OR11G2: variants seen among roughly 807,000 people sequenced by gnomAD.
The protein encoded by OR11G2 is olfactory receptor family 11 subfamily G member 2.
A neutral mutation model predicts 0.9 loss-of-function variants in OR11G2; 2 were observed. The ratio of observed to expected loss-of-function variants is 2.35; its 90% confidence interval spans 0.96 to 7.38. The LOEUF (loss-of-function observed/expected upper bound fraction) is 7.38. Among genes scored for constraint, OR11G2 ranks in the 30% most tolerant of loss-of-function variants. The probability of loss-of-function intolerance (pLI) is 0.05; values close to 1 mark genes in which losing one functional copy is unlikely to be tolerated. For missense variants in OR11G2, 395 were observed against 371.3 expected (o/e 1.06, Z -0.52); for synonymous variants, 153 against 142.0 (o/e 1.08, Z -0.55).
Position 20,197,870 on chromosome 14 carries a change from T to C in OR11G2, c.433T>C (p.Cys145Arg). 1 of 1,614,182 alleles carries C rather than the reference T, an allele frequency of 6.2e-7. No individual in the cohort carries two copies. The highest frequency in any genetic ancestry group is 1.1e-5 in the South Asian group (1 of 91,082). Residue 145 changes from cysteine to arginine, a missense_variant, in exon 2 of 2, where the codon TGT (cysteine) becomes CGT (arginine). Cys to Arg is a radical substitution (Grantham distance 180). Coordinates refer to ENST00000641879, the MANE Select transcript of OR11G2 (RefSeq NM_001386033.1). The stretch of plus-strand genomic sequence containing the variant: ...TCCAACCATTATGACCAGACGTCTC[T>C]GTACCAATCTTGTGGTCAATTGCTG... ...RYPTIMTRRL[C>R]TNLVVNCWVL... is the part of the protein sequence containing the mutation.
intron 1 of OR11G2, 115 bp from the exon 2 acceptor site, chr14:20,197,319 A>G: frequency 7.3e-7 from 1 of 1,363,272 alleles, no homozygotes; most frequent in East Asian, 2.4e-5. Context: ...TTTTACTTTT[A>G]TTTCAATAGT....
chr14:20,197,531 T>G lies in OR11G2; in HGVS notation c.94T>G (p.Phe32Val), dbSNP rs532455728. 51 of 1,614,148 alleles carry G rather than the reference T, an allele frequency of 3.2e-5. No homozygotes were observed. The highest frequency in any genetic ancestry group is 5.0e-5 in the Admixed American group (3 of 60,022). ...CCCCAGGGAGGGGCAGATCCTCCTC[T>G]TTGTGCTCTTCACTGTTGTTTACCT... ...PCPREGQILL[F>V]VLFTVVYLLT... is the part of the protein sequence containing the mutation. The change falls in exon 2 of 2, where the codon TTT becomes GTT. Residue 32 changes from phenylalanine (F) to valine (V), a missense_variant. Physicochemically the swap from Phe to Val is conservative, Grantham distance 50. Transcript: ENST00000641879.
At chr14:20,195,160 A>G (rs1343868658) in intron 1 of OR11G2, among the ~76,000 whole-genome samples, 2 of 152,210 alleles carry the variant, frequency 1.3e-5, no homozygotes, top group African/African-American at 4.8e-5. Flanking sequence ...TCTGACAGAA[A>G]CTGTGGAGAC....
chr14:20,195,141 A>G (rs896387910), intron 1 of OR11G2, among the ~76,000 whole-genome samples: 3 of 152,234 alleles, frequency 2.0e-5, no homozygotes, highest in African/African-American at 7.2e-5. Context: ...TATATATGTT[A>G]AAATAGAGTC....
At chr14:20,197,103 C>G (rs75642980) in intron 1 of OR11G2, among the ~76,000 whole-genome samples, 14,790 of 152,144 alleles carry the variant, frequency 0.097, 803 homozygotes, top group African/African-American at 0.12. Flanking sequence ...TACAAAGGCT[C>G]TTGAAGGAAA....
chr14:20,197,226 C>A, intron 1 of OR11G2: 1 of 679,020 alleles, frequency 1.5e-6, no homozygotes, highest in Non-Finnish European at 2.4e-6. Context: ...AATGTGAACG[C>A]GAGCAAAGAA....
Position 20,198,277 on chromosome 14 carries a change from GTT to G in OR11G2, c.843_844del (p.Phe281LeufsTer9), listed in dbSNP as rs764616197. 11 of 1,613,718 alleles carry G rather than the reference GTT, an allele frequency of 6.8e-6. No homozygotes were observed. Among genetic ancestry groups the G allele is most frequent in the Admixed American group, 1.7e-5 (1 of 59,992 alleles). On this transcript the variant is annotated frameshift_variant, in exon 2 of 2. Transcript: ENST00000641879. LOFTEE classifies it high-confidence loss of function. ...CTGGAAAGCAGAAGACTGTGACTCT[GTT>G]TTATTCTGTTGTTACCCCACTGCTT... ...EAGKQKTVTL[F>X]YSVVTPLLNP...
chr14:20,196,823 G>C (rs995880517), intron 1 of OR11G2, among the ~76,000 whole-genome samples: 1 of 152,198 alleles, frequency 6.6e-6, no homozygotes, highest in Admixed American at 6.5e-5. Flanking sequence ...ACTGACAACA[G>C]CTAATTTCCT....
rs375394817 is a variant in OR11G2 at position 20,197,521 on chromosome 14, G to A, written c.84G>A (p.Gln28=). Residue 28 remains glutamine, a synonymous_variant, in exon 2 of 2, where the codon CAG becomes CAA. Transcript: ENST00000641879. ...GCTTCCCTTGCCCCAGGGAGGGGCAGATCCTCCTCTTTGTGCTCTTCACTG... is the reference window on the plus strand; with the variant it reads ...GCTTCCCTTGCCCCAGGGAGGGGCAAATCCTCCTCTTTGTGCTCTTCACTG... ...LLGFPCPREG[Q]ILLFVLFTVV... The A allele has an allele frequency of 7.3e-4, 1,181 of 1,614,030 alleles. 10 individuals are homozygous for A. The South Asian group carries it at 0.012, about 17-fold the overall frequency.
chr14:20,199,331 A>G lies in OR11G2; in HGVS notation c.*958A>G, dbSNP rs914353954. On this transcript the variant is annotated 3_prime_UTR_variant, in exon 2 of 2. Coordinates refer to ENST00000641879, the MANE Select transcript of OR11G2 (RefSeq NM_001386033.1). ...TAGCTTCTGTGGTCCTTCCCTCTCCAGGATTTCTCAAACGCCAGGTGCTTT... is the reference window on the plus strand; with the variant it reads ...TAGCTTCTGTGGTCCTTCCCTCTCCGGGATTTCTCAAACGCCAGGTGCTTT... 6.6e-6 allele frequency: 1 copy of G among 152,254 alleles called. No individual in the cohort carries two copies. The highest frequency in any genetic ancestry group is 2.4e-5 in the African/African-American group (1 of 41,458). The allele number at this position is 152,254 out of a possible 1,614,324, so 9.4% of individuals were successfully genotyped here.
Position 20,198,286 on chromosome 14 carries a change from T to G in OR11G2, c.849T>G (p.Ser283=). 3 of 1,613,770 alleles carry G rather than the reference T, an allele frequency of 1.9e-6. No homozygotes were observed. Among genetic ancestry groups the G allele is most frequent in the Non-Finnish European group, 2.5e-6 (3 of 1,179,706 alleles). The change falls in exon 2 of 2, where the codon TCT becomes TCG. Residue 283 remains serine (S), a synonymous_variant. Transcript: ENST00000641879. ...AGAAGACTGTGACTCTGTTTTATTC[T>G]GTTGTTACCCCACTGCTTAACCCTG... is the stretch of plus-strand genomic sequence containing the variant. ...GKQKTVTLFY[S]VVTPLLNPVI...
Position 20,199,864 on chromosome 14 carries a change from T to A in OR11G2, c.*1491T>A, listed in dbSNP as rs1879865812. The A allele has an allele frequency of 6.6e-6, 1 of 152,222 alleles. No homozygotes were observed. Among genetic ancestry groups the A allele is most frequent in the Non-Finnish European group, 1.5e-5 (1 of 68,016 alleles). 9.4% of individuals were successfully genotyped at this position (152,222 alleles called of 1,614,324 possible). A position where few individuals can be genotyped will look rare whatever the true frequency, so the allele number is the denominator to read the frequency against. On this transcript the variant is annotated 3_prime_UTR_variant, in exon 2 of 2. Transcript: ENST00000641879. ...AAAGAATCCCTGAGGACTCTTCCCC[T>A]GCAGGAAGCAGGGGAAAGGTTACCT...
rs955653039 is a variant in OR11G2 at position 20,198,857 on chromosome 14, T to C, written c.*484T>C. 2.0e-5 allele frequency: 3 copies of C among 152,716 alleles called. No homozygotes were observed. The highest frequency in any genetic ancestry group is 7.2e-5 in the African/African-American group (3 of 41,454). 9.5% of individuals were successfully genotyped at this position (152,716 alleles called of 1,614,324 possible). ...CAGATCTTGATTATTTGCCCAGTTG[T>C]GTAACATGCCTCAATGTTTTTTAAT... On this transcript the variant is annotated 3_prime_UTR_variant, in exon 2 of 2. Transcript: ENST00000641879.
chr14:20,200,802 T>A lies in OR11G2; in HGVS notation c.*2429T>A, dbSNP rs372128784. 1 of 152,232 alleles carries A rather than the reference T, an allele frequency of 6.6e-6. No individual in the cohort carries two copies. The highest frequency in any genetic ancestry group is 1.9e-4 in the East Asian group (1 of 5,202). The allele number at this position is 152,232 out of a possible 1,614,324, so 9.4% of individuals were successfully genotyped here. On this transcript the variant is annotated 3_prime_UTR_variant, in exon 2 of 2. Coordinates refer to ENST00000641879, the MANE Select transcript of OR11G2 (RefSeq NM_001386033.1). ...TGGTGAGTTATACCATGGAATATTA[T>A]GTCTTCAATTTATAAACTATGAAGC...
In OR11G2 at chr14:20,199,476, A is replaced by G. The variant is rs1411684040; in HGVS notation, c.*1103A>G. The G allele has an allele frequency of 6.6e-6, 1 of 152,242 alleles. No individual in the cohort carries two copies. The highest frequency in any genetic ancestry group is 1.5e-5 in the Non-Finnish European group (1 of 68,058). The allele number at this position is 152,242 out of a possible 1,614,324, so 9.4% of individuals were successfully genotyped here. On this transcript the variant is annotated 3_prime_UTR_variant, in exon 2 of 2. Transcript: ENST00000641879. Reference sequence around the variant, plus strand: ...TAAATGGTCAAATATCCTCAGGGAAATACACATGGGGAATGTGAAACTCAC... The same window carrying G: ...TAAATGGTCAAATATCCTCAGGGAAGTACACATGGGGAATGTGAAACTCAC...
chr14:20,196,365 T>C (rs1406520904), intron 1 of OR11G2, among the ~76,000 whole-genome samples: 2 of 152,198 alleles, frequency 1.3e-5, no homozygotes, highest in East Asian at 1.9e-4. Flanking sequence ...AAAAGCAAAA[T>C]GTGGATCTAA....
intron 1 of OR11G2, among the ~76,000 whole-genome samples, chr14:20,196,396 ACTTT>A (rs931290144): frequency 6.6e-6 from 1 of 152,218 alleles, no homozygotes; most frequent in Non-Finnish European, 1.5e-5. Context: ...AGGGACACAA[ACTTT>A]CTTTAGTTTG....
rs1363681777 is a variant in OR11G2 at position 20,199,170 on chromosome 14, A to G, written c.*797A>G. 3 of 152,216 alleles carry G rather than the reference A, an allele frequency of 2.0e-5. No individual in the cohort carries two copies. The highest frequency in any genetic ancestry group is 4.8e-5 in the African/African-American group (2 of 41,434). The allele number at this position is 152,216 out of a possible 1,614,324, so 9.4% of individuals were successfully genotyped here. A position where few individuals can be genotyped will look rare whatever the true frequency, so the allele number is the denominator to read the frequency against. ...CCTATTTCAGTACTTCTTGAACCCC[A>G]TGACTCCTGAAACTTCCGCTTTGCT... On this transcript the variant is annotated 3_prime_UTR_variant, in exon 2 of 2. Coordinates refer to ENST00000641879, the MANE Select transcript of OR11G2 (RefSeq NM_001386033.1).
At position 20,191,620 on chromosome 14, in the gene OR11G2, G is replaced by A. The variant is rs1459353286; in HGVS notation, c.-51G>A. 2.0e-5 allele frequency: 3 copies of A among 152,230 alleles called. No individual in the cohort carries two copies. The highest frequency in any genetic ancestry group is 7.2e-5 in the African/African-American group (3 of 41,438). The allele number at this position is 152,230 out of a possible 1,614,324, so 9.4% of individuals were successfully genotyped here. On this transcript the variant is annotated 5_prime_UTR_variant, in exon 1 of 2. Transcript: ENST00000641879. ...CAGCTCCAGTTTAGCCCTGTGCCAG[G>A]TAAACACTGCTGCTGCTCTCTGTAC...
Sources: gnomAD v4.1 joint callset for allele counts (sites outside exome capture counted in the v4.1 genomes callset) on GRCh38, gnomAD v4.1.1 for gene constraint, MANE v1.5 for transcripts, NCBI Gene and HGNC (gene_info 2026-07-23, HGNC 2026-07-21) for gene names.